The following PPM1E variants were observed in gnomAD, a reference collection of about 807,000 sequenced individuals.
PPM1E encodes the protein protein phosphatase, Mg2+/Mn2+ dependent 1E.
PPM1E carries 20 observed loss-of-function variants against 65.9 expected under a neutral mutation model. The observed-to-expected ratio is 0.30, with a 90% CI of 0.21 to 0.44. PPM1E has a LOEUF of 0.44. Ranked by LOEUF, PPM1E falls within the 20% of genes least tolerant of loss-of-function variation. The pLI is 1.00. For synonymous variants in PPM1E, 352 were observed against 374.9 expected, an observed-to-expected ratio of 0.94 and a Z score of 0.70; for missense variants, 713 against 953.1, an observed-to-expected ratio of 0.75 and a Z score of 3.32.
rs1338560387 is a variant in PPM1E, at chr17:58,980,780, C to T, written c.2017C>T (p.His673Tyr). 2 of 1,614,128 alleles carry T rather than the reference C, an allele frequency of 1.2e-6. No homozygotes were observed. Among genetic ancestry groups the T allele is most frequent in the South Asian group, 2.2e-5 (2 of 91,076 alleles). ...TTCTAGATTGTCTCATTTACGCCACCACTACTCAAAGAAGTGGCACAGATT... is the reference window on the plus strand; with the variant it reads ...TTCTAGATTGTCTCATTTACGCCACTACTACTCAAAGAAGTGGCACAGATT... ...RVSRLSHLRH[H>Y]YSKKWHRFRF... The change falls in exon 7 of 7, where the codon CAC becomes TAC. Residue 673 changes from histidine (H) to tyrosine (Y), a missense_variant. Physicochemically the swap from His to Tyr is moderately conservative, Grantham distance 83. Coordinates refer to ENST00000308249, the MANE Select transcript of PPM1E (RefSeq NM_014906.5). The surrounding 1 kb of genome is among the most constrained non-coding windows in gnomAD (Gnocchi z 4.7).
intron 6 of PPM1E, among the ~76,000 whole-genome samples, chr17:58,978,839 T>C (rs1567899275): frequency 1.3e-5 from 2 of 152,162 alleles, no homozygotes; most frequent in South Asian, 4.1e-4. Flanking sequence ...AATGAATGGA[T>C]TTGGAAGTGC....
intron 1 of PPM1E, among the ~76,000 whole-genome samples, chr17:58,871,832 G>C (rs983011386): frequency 7.1e-6 from 1 of 139,962 alleles, no homozygotes; most frequent in Non-Finnish European, 1.6e-5. Context: ...AAAAAAAAAA[G>C]AAGAAGAAGA....
intron 2 of PPM1E, among the ~76,000 whole-genome samples, chr17:58,956,241 C>A (rs1246823479): frequency 6.6e-6 from 1 of 152,024 alleles, no homozygotes; most frequent in Non-Finnish European, 1.5e-5. Context: ...TGAGACCAGC[C>A]TGGCCAACAT....
At chr17:58,771,578 G>A (rs538914726) in intron 1 of PPM1E, among the ~76,000 whole-genome samples, 9 of 150,724 alleles carry the variant, frequency 6.0e-5, no homozygotes, top group East Asian at 2.0e-4. Flanking sequence ...AGCCCAGTTC[G>A]CGCCACTGCA....
In PPM1E at chr17:58,902,538, CTCTG is replaced by C. The variant is rs148565430; in HGVS notation, c.465-53105_465-53102del. Among the ~76,000 whole-genome samples the C allele has an allele frequency of 3.8e-3, 571 of 152,192 alleles. 1 individual carries two copies. Among genetic ancestry groups the C allele is most frequent in the African/African-American group, 0.013 (528 of 41,530 alleles). On this transcript the variant is annotated intron_variant, in intron 1 of 6. Transcript: ENST00000308249. The stretch of plus-strand genomic sequence containing the variant: ...AGCATTTCCCACAGAAGTCATTTGT[CTCTG>C]TCTGTGGATAGGCCTTCCTAGGGAA...
At chr17:58,786,940 G>A (rs1244830955) in intron 1 of PPM1E, among the ~76,000 whole-genome samples, 1 of 151,962 alleles carries the variant, frequency 6.6e-6, no homozygotes. Flanking sequence ...TTTCTGAAAG[G>A]ATTTCTTCTA....
chr17:58,766,123 A>G (rs185834797), intron 1 of PPM1E, among the ~76,000 whole-genome samples: 69 of 136,402 alleles, frequency 5.1e-4, no homozygotes, highest in African/African-American at 1.9e-3. Flanking sequence ...CAGGTCATCC[A>G]CCCTACTTGG....
At chr17:58,973,222 C>A (rs1485530768) in intron 6 of PPM1E, among the ~76,000 whole-genome samples, 1 of 151,530 alleles carries the variant, frequency 6.6e-6, no homozygotes, top group Non-Finnish European at 1.5e-5. Flanking sequence ...TCAAGACCAG[C>A]CTGGCCAACA....
intron 1 of PPM1E, among the ~76,000 whole-genome samples, chr17:58,856,172 T>C (rs1001827671): frequency 6.6e-6 from 1 of 152,244 alleles, no homozygotes; most frequent in Non-Finnish European, 1.5e-5. Flanking sequence ...TTTGTTTTGC[T>C]AATAATTCTC....
intron 1 of PPM1E, among the ~76,000 whole-genome samples, chr17:58,889,190 T>C (rs1386799231): frequency 6.6e-6 from 1 of 152,238 alleles, no homozygotes. Flanking sequence ...ATTACCTGCT[T>C]CTTTTTCATT....
At chr17:58,823,794 G>A (rs568978315) in intron 1 of PPM1E, among the ~76,000 whole-genome samples, 9 of 151,902 alleles carry the variant, frequency 5.9e-5, no homozygotes, top group East Asian at 1.9e-4. Context: ...GCAGTGGCTC[G>A]ATCTCAGCTC....
chr17:58,763,978 A>G (rs1018632528), intron 1 of PPM1E, among the ~76,000 whole-genome samples: 3 of 152,162 alleles, frequency 2.0e-5, no homozygotes, highest in African/African-American at 7.2e-5. Flanking sequence ...TGAGCCACAT[A>G]TAGTTTAAAA....
At chr17:58,887,231 C>G (rs188835934) in intron 1 of PPM1E, among the ~76,000 whole-genome samples, 17 of 133,018 alleles carry the variant, frequency 1.3e-4, no homozygotes, top group Admixed American at 9.4e-4. Context: ...GTGGTGCAAT[C>G]TTGGCTCACT....
At chr17:58,849,430 T>C (rs2050803605) in intron 1 of PPM1E, among the ~76,000 whole-genome samples, 1 of 152,112 alleles carries the variant, frequency 6.6e-6, no homozygotes, top group South Asian at 2.1e-4. Flanking sequence ...TTTCCCTCTA[T>C]ACACTGCTTT....
chr17:58,793,809 T>C (rs1299717770), intron 1 of PPM1E, among the ~76,000 whole-genome samples: 1 of 152,200 alleles, frequency 6.6e-6, no homozygotes, highest in Non-Finnish European at 1.5e-5. Flanking sequence ...CATCGATAAG[T>C]AGAATTTAAT....
chr17:58,952,069 G>T (rs1156993274), intron 1 of PPM1E, among the ~76,000 whole-genome samples: 1 of 152,180 alleles, frequency 6.6e-6, no homozygotes, highest in East Asian at 1.9e-4. Flanking sequence ...ATTGGCTATG[G>T]TTCTAGGTGG....
Position 58,980,709 on chromosome 17 carries a change from G to A in PPM1E, c.1946G>A (p.Cys649Tyr). ...IYRMQSLSPV[C>Y]SGLENEQFKS... Reference sequence around the variant, plus strand: ...AGAATGCAGAGCTTGTCTCCTGTCTGTTCAGGGTTGGAAAATGAACAGTTC... The same window carrying A: ...AGAATGCAGAGCTTGTCTCCTGTCTATTCAGGGTTGGAAAATGAACAGTTC... The change falls in exon 7 of 7, where the codon TGT becomes TAT. Residue 649 changes from cysteine (C) to tyrosine (Y), a missense_variant. Cys to Tyr is a radical substitution (Grantham distance 194). Transcript: ENST00000308249. The surrounding 1 kb of genome is among the most constrained non-coding windows in gnomAD (Gnocchi z 4.7). 6.2e-7 allele frequency: 1 copy of A among 1,614,198 alleles called. No homozygotes were observed.
At chr17:58,782,701 C>T (rs1212177775) in intron 1 of PPM1E, among the ~76,000 whole-genome samples, 3 of 151,518 alleles carry the variant, frequency 2.0e-5, no homozygotes, top group Admixed American at 6.6e-5. Context: ...CATGAACCAC[C>T]GTACCTGGCC....
chr17:58,792,636 A>T (rs1390007), intron 1 of PPM1E, among the ~76,000 whole-genome samples: 1 of 151,042 alleles, frequency 6.6e-6, no homozygotes, highest in East Asian at 2.0e-4. Context: ...AGCGTGAGCC[A>T]CTGTGCCTGG....
Sources: allele counts gnomAD v4.1 joint callset (sites outside exome capture counted in the v4.1 genomes callset), GRCh38; gene constraint gnomAD v4.1.1; non-coding constraint Gnocchi (gnomAD v3.1); transcripts MANE v1.5; gene names NCBI Gene and HGNC (gene_info 2026-07-23, HGNC 2026-07-21).